The following PTPRK variants were observed in gnomAD, a reference collection of about 807,000 sequenced individuals.
PTPRK encodes receptor-type tyrosine-protein phosphatase kappa.
A neutral mutation model predicts 178.0 loss-of-function variants in PTPRK; 75 were observed. That is an observed-to-expected ratio of 0.42 (90% CI 0.35 to 0.51). PTPRK has a LOEUF of 0.51. Among genes scored for constraint, PTPRK ranks in the 20% least tolerant of loss-of-function variants. PTPRK has a pLI of 0.02. For missense variants in PTPRK, 1,441 were observed against 1,797.8 expected, an observed-to-expected ratio of 0.80 and a Z score of 3.59; for synonymous variants, 637 against 620.6, an observed-to-expected ratio of 1.03 and a Z score of -0.39.
chr6:128,438,605 C>T (rs1845908938), intron 1 of PTPRK, among the ~76,000 whole-genome samples: 8 of 152,224 alleles, frequency 5.3e-5, no homozygotes, highest in Admixed American at 5.2e-4. Flanking sequence ...AATCAAAGAG[C>T]TGTTGTGCAC....
At chr6:128,137,087 A>T (rs1035974278) in intron 7 of PTPRK, among the ~76,000 whole-genome samples, 1 of 152,288 alleles carries the variant, frequency 6.6e-6, no homozygotes, top group East Asian at 1.9e-4. Context: ...CAGGGGACAA[A>T]ATATAACCAT....
chr6:128,300,860 T>C lies in PTPRK; in HGVS notation c.495+21179A>G, dbSNP rs143410942. On this transcript the variant is annotated intron_variant, in intron 3 of 29. Coordinates refer to ENST00000368226, the MANE Select transcript of PTPRK (RefSeq NM_002844.4). ...ATGTACCCTAAAACTTAAAGTATAATAATAAAATAAAATTTAAAAAAAATT... is the reference window on the plus strand; with the variant it reads ...ATGTACCCTAAAACTTAAAGTATAACAATAAAATAAAATTTAAAAAAAATT... Among the ~76,000 whole-genome samples, 897 of 152,138 alleles carry C rather than the reference T, an allele frequency of 5.9e-3. 10 individuals are homozygous for C. The highest frequency in any genetic ancestry group is 0.021 in the African/African-American group (858 of 41,500).
intron 3 of PTPRK, among the ~76,000 whole-genome samples, chr6:128,275,776 A>G (rs1768350): frequency 0.045 from 6,772 of 152,092 alleles, 497 homozygotes; most frequent in African/African-American, 0.15. Context: ...TGGACAAAAT[A>G]CTTTCTAAGG....
chr6:128,208,298 C>CAAAAAAAAAA (rs3058186), intron 6 of PTPRK, among the ~76,000 whole-genome samples: 1 of 105,056 alleles, frequency 9.5e-6, no homozygotes. Context: ...CCTACACCCT[C>CAAAAAAAAAA]AAAAAAAAAA....
At chr6:128,052,684 G>A (rs1018165766) in intron 13 of PTPRK, among the ~76,000 whole-genome samples, 2 of 152,130 alleles carry the variant, frequency 1.3e-5, no homozygotes, top group African/African-American at 4.8e-5. Context: ...CATCTGCTAG[G>A]CTCTTCCAAT....
intron 3 of PTPRK, among the ~76,000 whole-genome samples, chr6:128,311,289 G>A (rs1237072167): frequency 1.3e-5 from 2 of 152,146 alleles, no homozygotes; most frequent in African/African-American, 2.4e-5. Flanking sequence ...TGGATGTCCA[G>A]TAAATGCTGT....
At chr6:128,348,890 C>T (rs1562330566) in intron 2 of PTPRK, among the ~76,000 whole-genome samples, 1 of 151,950 alleles carries the variant, frequency 6.6e-6, no homozygotes, top group Admixed American at 6.6e-5. Context: ...AATATGTAGG[C>T]ACCACAGCAT....
At position 128,067,749 on chromosome 6, in the gene PTPRK, T is replaced by C. The variant is rs370400586; in HGVS notation, c.1927A>G (p.Lys643Glu). 2.8e-5 allele frequency: 45 copies of C among 1,612,304 alleles called. No homozygotes were observed. Among genetic ancestry groups the C allele is most frequent in the Middle Eastern group, 3.3e-4 (2 of 6,068 alleles). The stretch of plus-strand genomic sequence containing the variant: ...CATTCCATGGCTCCGGCTTCTCTCT[T>C]GGTTCGGTGTGGGTGCAGTTCTTCC... ...VVEELHPHRT[K>E]REAGAMECYQ... The change falls in exon 12 of 30, where the codon AAG becomes GAG. Residue 643 changes from lysine (K) to glutamate (E), a missense_variant. Physicochemically the swap from Lys to Glu is moderately conservative, Grantham distance 56 (BLOSUM62 1). Around this residue, in one of 4 missense-constraint regions of PTPRK, gnomAD observed 945 missense variants for 1,080.6 expected, o/e 0.87. Transcript: ENST00000368226.
At chr6:128,361,106 T>C (rs1834679699) in intron 2 of PTPRK, among the ~76,000 whole-genome samples, 1 of 152,150 alleles carries the variant, frequency 6.6e-6, no homozygotes, top group African/African-American at 2.4e-5. Context: ...TTTAGAATGT[T>C]TCATATTTAG....
In PTPRK at chr6:128,071,722, TTGTAA is replaced by T. The variant is rs1383982649; in HGVS notation, c.1884-3935_1884-3931del. On this transcript the variant is annotated intron_variant, in intron 11 of 29. Coordinates refer to ENST00000368226, the MANE Select transcript of PTPRK (RefSeq NM_002844.4). ...TTTTTATAACTCACACAGAAATCAA[TTGTAA>T]TCATGGTGAGTCTTTAAGAAGTATT... Among the ~76,000 whole-genome samples, 4 of 152,112 alleles carry T rather than the reference TTGTAA, an allele frequency of 2.6e-5. No individual in the cohort carries two copies. In the South Asian group the frequency reaches 8.3e-4, roughly 32 times the overall value.
chr6:128,114,981 T>TAA (rs111742166), intron 7 of PTPRK, among the ~76,000 whole-genome samples: 3 of 150,064 alleles, frequency 2.0e-5, no homozygotes, highest in African/African-American at 7.3e-5. Flanking sequence ...ATTCTGCGAT[T>TAA]AAAAAAAAAA....
intron 2 of PTPRK, among the ~76,000 whole-genome samples, chr6:128,339,679 T>C (rs1831410034): frequency 6.6e-6 from 1 of 151,950 alleles, no homozygotes; most frequent in Non-Finnish European, 1.5e-5. Flanking sequence ...GAAAAAAAAA[T>C]ATCCTTCTGT....
intron 5 of PTPRK, among the ~76,000 whole-genome samples, chr6:128,232,480 G>A (rs757963342): frequency 2.6e-5 from 4 of 152,150 alleles, no homozygotes; most frequent in African/African-American, 9.7e-5. Flanking sequence ...TGGACTAATT[G>A]TAATTTTACT....
chr6:128,339,660 T>C (rs935897878), intron 2 of PTPRK, among the ~76,000 whole-genome samples: 2 of 152,036 alleles, frequency 1.3e-5, no homozygotes, highest in Admixed American at 1.3e-4. Context: ...AATTGCTTCC[T>C]GGAACACAGA....
At chr6:128,372,994 A>C (rs1287226481) in intron 2 of PTPRK, among the ~76,000 whole-genome samples, 1 of 145,590 alleles carries the variant, frequency 6.9e-6, no homozygotes, top group Non-Finnish European at 1.5e-5. Context: ...GGTAATTTTA[A>C]AAAAAAAAAA....
At chr6:128,473,567 C>A (rs977396946) in intron 1 of PTPRK, among the ~76,000 whole-genome samples, 4 of 151,866 alleles carry the variant, frequency 2.6e-5, no homozygotes, top group Admixed American at 2.6e-4. Context: ...ATTATGGATG[C>A]AAAGTGGTAA....
chr6:128,417,799 C>T (rs1029051980), intron 1 of PTPRK, among the ~76,000 whole-genome samples: 6 of 152,126 alleles, frequency 3.9e-5, no homozygotes, highest in Non-Finnish European at 7.3e-5. Context: ...GAGGAACAAG[C>T]AGAATTCCAC....
intron 25 of PTPRK, among the ~76,000 whole-genome samples, chr6:127,978,955 C>T (rs1272527702): frequency 6.6e-6 from 1 of 152,138 alleles, no homozygotes; most frequent in Non-Finnish European, 1.5e-5. Flanking sequence ...TTCATTTGCA[C>T]TACTAAATCC....
chr6:128,498,129 A>G (rs1855002826), intron 1 of PTPRK, among the ~76,000 whole-genome samples: 1 of 152,180 alleles, frequency 6.6e-6, no homozygotes, highest in South Asian at 2.1e-4. Flanking sequence ...CTGCTTCCTT[A>G]ACACCCTTTT....
Sources: allele counts gnomAD v4.1 joint callset (sites outside exome capture counted in the v4.1 genomes callset), GRCh38; gene constraint gnomAD v4.1.1; regional missense constraint gnomAD v4.1.1; transcripts MANE v1.5; gene names NCBI Gene and HGNC (gene_info 2026-07-23, HGNC 2026-07-21).